Variants in WDR41 observed in about 807,000 individuals in gnomAD.
WDR41 encodes the protein WD repeat-containing protein 41.
A neutral mutation model predicts 69.3 loss-of-function variants in WDR41; 63 were observed. That is an observed-to-expected ratio of 0.91 (90% confidence interval 0.74 to 1.12). The LOEUF (loss-of-function observed/expected upper bound fraction) is 1.12, where lower values mean the gene tolerates loss of function less well. WDR41 is among the 50% of genes most tolerant of loss of function. The pLI, the probability that WDR41 is intolerant of heterozygous loss-of-function variation, is 0.00. For missense variants in WDR41, 543 were observed against 534.5 expected (o/e 1.02, Z -0.16); for synonymous variants, 185 against 192.1 (o/e 0.96, Z 0.31).
chr5:77,557,570 C>T (rs7727491), intron 1 of WDR41, among the ~76,000 whole-genome samples: 1 of 152,010 alleles, frequency 6.6e-6, no homozygotes, highest in African/African-American at 2.4e-5. Flanking sequence ...TAAATGTTAG[C>T]GTGAGCCACT....
At chr5:77,516,986 A>G (rs1430764662) in intron 1 of WDR41, among the ~76,000 whole-genome samples, 1 of 151,278 alleles carries the variant, frequency 6.6e-6, no homozygotes, top group Non-Finnish European at 1.5e-5. Context: ...ACTTCACTCC[A>G]GCCTGGGTGA....
intron 1 of WDR41, among the ~76,000 whole-genome samples, chr5:77,614,438 C>T (rs1461687845): frequency 6.6e-6 from 1 of 150,746 alleles, no homozygotes; most frequent in Non-Finnish European, 1.5e-5. Flanking sequence ...AAATGTGGCA[C>T]ATATACACCA....
chr5:77,573,621 A>G (rs1400271661), intron 1 of WDR41, among the ~76,000 whole-genome samples: 2 of 152,160 alleles, frequency 1.3e-5, no homozygotes, highest in Admixed American at 6.5e-5. Flanking sequence ...ATTTCCAACT[A>G]TAGCCACTAA....
intron 1 of WDR41, among the ~76,000 whole-genome samples, chr5:77,611,552 G>T (rs1367234783): frequency 6.6e-6 from 1 of 152,262 alleles, no homozygotes; most frequent in Non-Finnish European, 1.5e-5. Context: ...GCTCCTGAAT[G>T]ACTACTGGGT....
At chr5:77,570,501 G>C (rs1743715522) in intron 1 of WDR41, among the ~76,000 whole-genome samples, 1 of 145,170 alleles carries the variant, frequency 6.9e-6, no homozygotes, top group Non-Finnish European at 1.5e-5. Context: ...ATATATATTA[G>C]GTCATCTAGT....
intron 1 of WDR41, among the ~76,000 whole-genome samples, chr5:77,591,565 C>T (rs917127966): frequency 3.3e-5 from 5 of 152,044 alleles, no homozygotes; most frequent in African/African-American, 4.8e-5. Context: ...GCCTGGCTTT[C>T]GCTGTATCTT....
chr5:77,571,736 T>C (rs1042223705), intron 1 of WDR41, among the ~76,000 whole-genome samples: 1 of 152,188 alleles, frequency 6.6e-6, no homozygotes, highest in African/African-American at 2.4e-5. Context: ...GGAGCAGATG[T>C]TGCTGCTTTT....
At position 77,585,820 on chromosome 5, in the gene WDR41, G is replaced by C. The variant is rs149730897; in HGVS notation, c.42+34659C>G. On this transcript the variant is annotated intron_variant, in intron 1 of 5. Transcript: ENST00000509971. ...TGATACCATGGACTTTGGGGACTTG[G>C]GGGGAAGAAAGGGAGGAGGGCGAGG... 2.5e-3 allele frequency among the ~76,000 whole-genome samples: 380 copies of C among 152,206 alleles called. 3 individuals carry two copies. Among genetic ancestry groups the C allele is most frequent in the African/African-American group, 8.1e-3 (338 of 41,514 alleles).
At chr5:77,475,672 C>T (rs1410504636) in intron 2 of WDR41, among the ~76,000 whole-genome samples, 4 of 152,198 alleles carry the variant, frequency 2.6e-5, no homozygotes, top group East Asian at 1.9e-4. Flanking sequence ...CCCATCTGTA[C>T]ATCACCATCA....
chr5:77,573,267 CTT>C (rs1743764941), intron 1 of WDR41, among the ~76,000 whole-genome samples: 1 of 141,046 alleles, frequency 7.1e-6, no homozygotes, highest in Admixed American at 8.1e-5. Flanking sequence ...CTCTCTCTCT[CTT>C]TATTTTTTTT....
intron 1 of WDR41, among the ~76,000 whole-genome samples, chr5:77,604,145 A>C (rs754766045): frequency 6.6e-6 from 1 of 152,176 alleles, no homozygotes; most frequent in South Asian, 2.1e-4. Flanking sequence ...ATTGCATTGA[A>C]TCTGAAGATT....
intron 1 of WDR41, among the ~76,000 whole-genome samples, chr5:77,512,422 G>A (rs55897100): frequency 0.017 from 2,500 of 151,032 alleles, 28 homozygotes; most frequent in Middle Eastern, 0.058. Context: ...CAGTCAGGAA[G>A]AGAGGGTGAG....
At chr5:77,554,794 G>A (rs1178248034) in intron 1 of WDR41, among the ~76,000 whole-genome samples, 6 of 152,046 alleles carry the variant, frequency 3.9e-5, no homozygotes, top group African/African-American at 1.4e-4. Context: ...TTGAACAGTG[G>A]TAGTGGATAC....
At position 77,453,789 on chromosome 5, in the gene WDR41, A is replaced by G. The variant is rs775117542; in HGVS notation, c.523+28T>C. ...CTGTGTCTTCTAGTCTGTCAATCATAGTTCAAAATTACCTTGATGTTTTTT... is the reference window on the plus strand; with the variant it reads ...CTGTGTCTTCTAGTCTGTCAATCATGGTTCAAAATTACCTTGATGTTTTTT... On this transcript the variant is annotated intron_variant, in intron 6 of 12. Transcript: ENST00000296679. 51 of 1,543,330 alleles carry G rather than the reference A, an allele frequency of 3.3e-5. 1 individual carries two copies. The Admixed American group carries it at 6.9e-4, about 21-fold the overall frequency.
At chr5:77,565,470 G>A (rs1743606828) in intron 1 of WDR41, among the ~76,000 whole-genome samples, 1 of 151,950 alleles carries the variant, frequency 6.6e-6, no homozygotes, top group Non-Finnish European at 1.5e-5. Context: ...CCTGAGCTGG[G>A]AGCCCCCTGA....
intron 1 of WDR41, among the ~76,000 whole-genome samples, chr5:77,515,280 G>T (rs1452109285): frequency 6.6e-6 from 1 of 151,516 alleles, no homozygotes; most frequent in Non-Finnish European, 1.5e-5. Flanking sequence ...AAATGTTTTT[G>T]TTAAAAACTA....
At chr5:77,535,337 C>T (rs1019477301) in intron 1 of WDR41, among the ~76,000 whole-genome samples, 6 of 152,042 alleles carry the variant, frequency 3.9e-5, no homozygotes, top group East Asian at 1.9e-4. Flanking sequence ...AAAGGGTGGC[C>T]GTATGGATGT....
At chr5:77,590,944 T>C (rs998090343) in intron 1 of WDR41, among the ~76,000 whole-genome samples, 25 of 152,200 alleles carry the variant, frequency 1.6e-4, no homozygotes, top group African/African-American at 5.5e-4. Flanking sequence ...AGACTTGGAT[T>C]ACCTAATGTT....
chr5:77,445,053 A>G (rs1198370164), intron 8 of WDR41, among the ~76,000 whole-genome samples: 1 of 152,208 alleles, frequency 6.6e-6, no homozygotes, highest in Admixed American at 6.5e-5. Context: ...ATAAAGACGA[A>G]AAGAGAGAAG....
Sources: allele counts gnomAD v4.1 joint callset (sites outside exome capture counted in the v4.1 genomes callset), GRCh38; gene constraint gnomAD v4.1.1; transcripts MANE v1.5; gene names NCBI Gene and HGNC (gene_info 2026-07-23, HGNC 2026-07-21).